The following HPSE2 variants were observed in gnomAD, a reference collection of about 807,000 sequenced individuals.
HPSE2 encodes the protein inactive heparanase-2.
HPSE2 carries 38 observed loss-of-function variants against 60.5 expected under a neutral mutation model. That is an observed-to-expected ratio of 0.63 (90% confidence interval 0.48 to 0.82). The LOEUF is 0.82. Among genes scored for constraint, HPSE2 ranks in the 40% least tolerant of loss-of-function variants. The probability of loss-of-function intolerance (pLI) is 0.00; values close to 1 mark genes in which losing one functional copy is unlikely to be tolerated. For synonymous variants in HPSE2, 295 were observed against 293.2 expected (o/e 1.01, Z -0.06); for missense variants, 713 against 740.4 (o/e 0.96, Z 0.43).
intron 6 of HPSE2, among the ~76,000 whole-genome samples, chr10:98,677,089 C>T (rs568215473): frequency 6.6e-6 from 1 of 152,308 alleles, no homozygotes; most frequent in South Asian, 2.1e-4. Context: ...CTCTCCCTTT[C>T]TACCATCTCT....
At position 98,615,000 on chromosome 10, in the gene HPSE2, T is replaced by C; in HGVS notation, c.1224A>G (p.Gly408=). ...AAGFLWLNTL[G]MLANQGIDVV... ...CATCAATGCCCTGATTGGCCAGCAT[T>C]CCTAAAGTGTTCAACCATCTAAAAG... The change falls in exon 9 of 12, where the codon GGA becomes GGG. Residue 408 remains glycine, a synonymous_variant. Transcript: ENST00000370552. 1 of 1,613,620 alleles carries C rather than the reference T, an allele frequency of 6.2e-7. No individual in the cohort carries two copies. The highest frequency in any genetic ancestry group is 8.5e-7 in the Non-Finnish European group (1 of 1,179,608).
chr10:98,537,268 A>T (rs1035040459), intron 9 of HPSE2, among the ~76,000 whole-genome samples: 6 of 152,230 alleles, frequency 3.9e-5, no homozygotes, highest in African/African-American at 1.4e-4. Flanking sequence ...TGCCTGTGAA[A>T]CATCCAGTTG....
At chr10:98,687,620 T>G (rs1319813034) in intron 6 of HPSE2, among the ~76,000 whole-genome samples, 1 of 152,158 alleles carries the variant, frequency 6.6e-6, no homozygotes, top group African/African-American at 2.4e-5. Flanking sequence ...TTGGGGGAGG[T>G]TCATTATTCT....
At chr10:98,745,232 A>C (rs1191308026) in intron 3 of HPSE2, among the ~76,000 whole-genome samples, 2 of 152,082 alleles carry the variant, frequency 1.3e-5, no homozygotes, top group Non-Finnish European at 2.9e-5. Flanking sequence ...AAAAAGAAAT[A>C]TGTTCATTAT....
chr10:98,500,030 T>G (rs1564921737), intron 9 of HPSE2, among the ~76,000 whole-genome samples: 1 of 152,144 alleles, frequency 6.6e-6, no homozygotes, highest in Non-Finnish European at 1.5e-5. Flanking sequence ...AAACAATTAC[T>G]AATAGACCTA....
intron 3 of HPSE2, among the ~76,000 whole-genome samples, chr10:98,773,453 A>C (rs1336507): frequency 0.11 from 16,314 of 152,194 alleles, 2,201 homozygotes; most frequent in African/African-American, 0.31. Flanking sequence ...TCTCCCTTAT[A>C]ATTTGTAATT....
chr10:99,050,301 C>CAA (rs552611645), intron 3 of HPSE2, among the ~76,000 whole-genome samples: 5 of 126,524 alleles, frequency 4.0e-5, no homozygotes, highest in Admixed American at 2.4e-4. Flanking sequence ...GACTCTGTCT[C>CAA]AAAAAAAAAA....
intron 9 of HPSE2, among the ~76,000 whole-genome samples, chr10:98,492,455 T>C (rs1045779597): frequency 6.7e-5 from 10 of 149,836 alleles, no homozygotes; most frequent in African/African-American, 2.2e-4. Flanking sequence ...TGAGCCGAGA[T>C]TGCGCCACTG....
At position 98,738,715 on chromosome 10, in the gene HPSE2, GA is replaced by G. The variant is rs537839469; in HGVS notation, c.784+5167del. On this transcript the variant is annotated intron_variant, in intron 4 of 11. Coordinates refer to ENST00000370552, the MANE Select transcript of HPSE2 (RefSeq NM_021828.5). ...ACATTTATGCAGCCAACAAAGATAT[GA>G]AAAAACGCTCATCATCAGTGGTCAT... Among the ~76,000 whole-genome samples, 172 of 152,278 alleles carry G rather than the reference GA, an allele frequency of 1.1e-3. 1 individual carries two copies. The highest frequency in any genetic ancestry group is 4.7e-4 in the Non-Finnish European group (32 of 68,024).
intron 9 of HPSE2, among the ~76,000 whole-genome samples, chr10:98,539,920 C>T (rs995517227): frequency 6.6e-6 from 1 of 152,212 alleles, no homozygotes; most frequent in Non-Finnish European, 1.5e-5. Context: ...AGTCTTTCTT[C>T]ATCTTTAAGA....
At chr10:98,630,284 G>A (rs551061317) in intron 7 of HPSE2, among the ~76,000 whole-genome samples, 42 of 146,968 alleles carry the variant, frequency 2.9e-4, no homozygotes, top group East Asian at 1.3e-3. Context: ...TGCAAGCTCC[G>A]CCTCCCAGGT....
At chr10:99,314,752 C>G in the HPSE2 span, among the ~76,000 whole-genome samples, 1 of 152,066 alleles carries the variant, frequency 6.6e-6, no homozygotes, top group Admixed American at 6.5e-5. Context: ...AATATAAGCT[C>G]TGAGAAAGCT....
At chr10:98,722,540 T>C (rs1388304973) in intron 4 of HPSE2, among the ~76,000 whole-genome samples, 1 of 152,136 alleles carries the variant, frequency 6.6e-6, no homozygotes, top group African/African-American at 2.4e-5. Flanking sequence ...AGAAAACTAA[T>C]ACACATGGTA....
chr10:98,778,438 G>A (rs1485524500), intron 3 of HPSE2, among the ~76,000 whole-genome samples: 5 of 152,044 alleles, frequency 3.3e-5, no homozygotes, highest in African/African-American at 1.2e-4. Context: ...CTGAGATGTG[G>A]TCTCTGTGGC....
intron 3 of HPSE2, among the ~76,000 whole-genome samples, chr10:99,052,645 A>G (rs759185353): frequency 6.6e-6 from 1 of 152,112 alleles, no homozygotes; most frequent in Non-Finnish European, 1.5e-5. Context: ...CAAAGGTAAT[A>G]AGAAAATCTT....
chr10:99,074,931 A>G lies in HPSE2; in HGVS notation c.610+69307T>C, dbSNP rs533353822. Among the ~76,000 whole-genome samples, 13 of 151,850 alleles carry G rather than the reference A, an allele frequency of 8.6e-5. No individual in the cohort carries two copies. In the East Asian group the frequency reaches 2.3e-3, roughly 27 times the overall value. The stretch of plus-strand genomic sequence containing the variant: ...ATCATTTATAATTTTATTTATTTGA[A>G]CCCTCTCCCCTTTCTTGGTTAATCT... On this transcript the variant is annotated intron_variant, in intron 3 of 11. Transcript: ENST00000370552.
At chr10:99,106,614 C>G (rs970191266) in intron 3 of HPSE2, among the ~76,000 whole-genome samples, 1 of 151,250 alleles carries the variant, frequency 6.6e-6, no homozygotes, top group Non-Finnish European at 1.5e-5. Context: ...AACTTTGTAT[C>G]TAAAAATAAT....
Position 98,737,313 on chromosome 10 carries a change from A to G in HPSE2, c.784+6570T>C, listed in dbSNP as rs1949384032. Among the ~76,000 whole-genome samples the G allele has an allele frequency of 2.0e-5, 2 of 97,566 alleles. 1 individual carries two copies. Among genetic ancestry groups the G allele is most frequent in the African/African-American group, 6.9e-5 (2 of 29,024 alleles). The allele number at this position is 97,566 out of a possible 152,430, so 64.0% of individuals were successfully genotyped here. A position where few individuals can be genotyped will look rare whatever the true frequency, so the allele number is the denominator to read the frequency against. ...AACATAAATGCAATTCCCTGGCAAG[A>G]TGGCCAAATAGGAACAGCTCCAGTC... On this transcript the variant is annotated intron_variant, in intron 4 of 11. Coordinates refer to ENST00000370552, the MANE Select transcript of HPSE2 (RefSeq NM_021828.5).
chr10:98,502,668 G>A (rs1942065464), intron 9 of HPSE2, among the ~76,000 whole-genome samples: 1 of 152,072 alleles, frequency 6.6e-6, no homozygotes, highest in Non-Finnish European at 1.5e-5. Context: ...GAACCCAAAA[G>A]CAAATGCAAT....
Sources: gnomAD v4.1 joint callset for allele counts (sites outside exome capture counted in the v4.1 genomes callset) on GRCh38, gnomAD v4.1.1 for gene constraint, MANE v1.5 for transcripts, NCBI Gene and HGNC (gene_info 2026-07-23, HGNC 2026-07-21) for gene names.